Variants in DNAJC1 observed in about 807,000 individuals in gnomAD.
DNAJC1 encodes the protein dnaJ homolog subfamily C member 1.
DNAJC1 carries 58 observed loss-of-function variants against 76.6 expected under a neutral mutation model. That is an observed-to-expected ratio of 0.76 (90% confidence interval 0.61 to 0.94). The LOEUF is 0.94. DNAJC1 is among the 40% of genes least tolerant of loss of function. The pLI is 0.00. For missense variants in DNAJC1, 689 were observed against 677.3 expected, an observed-to-expected ratio of 1.02 and a Z score of -0.19; for synonymous variants, 258 against 267.9, an observed-to-expected ratio of 0.96 and a Z score of 0.36.
At chr10:21,769,700 T>C (rs1353756595) in intron 9 of DNAJC1, among the ~76,000 whole-genome samples, 1 of 152,136 alleles carries the variant, frequency 6.6e-6, no homozygotes, top group East Asian at 1.9e-4. Flanking sequence ...TTTCTTTTCT[T>C]TTGAGACAGA....
At chr10:21,794,924 T>C (rs924812862) in intron 9 of DNAJC1, among the ~76,000 whole-genome samples, 1 of 152,196 alleles carries the variant, frequency 6.6e-6, no homozygotes, top group Non-Finnish European at 1.5e-5. Context: ...TTTTGTAATA[T>C]CTGTATTCCA....
intron 9 of DNAJC1, among the ~76,000 whole-genome samples, chr10:21,778,582 A>T (rs1048907341): frequency 2.0e-5 from 3 of 152,238 alleles, no homozygotes; most frequent in African/African-American, 7.2e-5. Context: ...CAGATTAATT[A>T]GAACTGTACT....
intron 9 of DNAJC1, among the ~76,000 whole-genome samples, chr10:21,787,376 G>A (rs1415608793): frequency 1.3e-5 from 2 of 151,198 alleles, no homozygotes; most frequent in Non-Finnish European, 3.0e-5. Context: ...AGGAGAGGAA[G>A]AGAAAAAAGA....
intron 8 of DNAJC1, among the ~76,000 whole-genome samples, chr10:21,847,906 T>C (rs902488463): frequency 2.6e-5 from 4 of 152,130 alleles, no homozygotes; most frequent in African/African-American, 9.7e-5. Flanking sequence ...TTGTGAATAG[T>C]GGTGCAACAA....
chr10:21,878,155 T>C lies in DNAJC1; in HGVS notation c.978+4127A>G, dbSNP rs116796977. 3.9e-3 allele frequency among the ~76,000 whole-genome samples: 601 copies of C among 152,312 alleles called. 5 individuals carry two copies. Among genetic ancestry groups the C allele is most frequent in the African/African-American group, 0.014 (568 of 41,570 alleles). On this transcript the variant is annotated intron_variant, in intron 8 of 11. Coordinates refer to ENST00000376980, the MANE Select transcript of DNAJC1 (RefSeq NM_022365.4). ...ACACTCCTAGCATCACTAGTGGTAC[T>C]TTCCATAGGCCCAATGGTGTTATTC...
intron 8 of DNAJC1, among the ~76,000 whole-genome samples, chr10:21,873,252 C>T (rs1203995247): frequency 1.3e-5 from 2 of 152,158 alleles, no homozygotes; most frequent in African/African-American, 4.8e-5. Flanking sequence ...AAAGCCCTCT[C>T]CTTCTACAAC....
intron 3 of DNAJC1, among the ~76,000 whole-genome samples, chr10:21,922,137 C>T (rs965453191): frequency 1.3e-5 from 2 of 151,848 alleles, no homozygotes; most frequent in African/African-American, 2.4e-5. Context: ...GTAAATTGAC[C>T]GATCTAGGAA....
At chr10:21,972,858 A>C (rs1838002136) in intron 1 of DNAJC1, among the ~76,000 whole-genome samples, 1 of 152,108 alleles carries the variant, frequency 6.6e-6, no homozygotes, top group Non-Finnish European at 1.5e-5. Flanking sequence ...GGTTGAAAAT[A>C]GAACCAGAGA....
chr10:21,825,188 A>T (rs779018059), intron 8 of DNAJC1, among the ~76,000 whole-genome samples: 1 of 152,170 alleles, frequency 6.6e-6, no homozygotes, highest in Non-Finnish European at 1.5e-5. Flanking sequence ...TCATCATCCC[A>T]AACTGAAACT....
At chr10:21,811,583 C>CT (rs1834967098) in intron 8 of DNAJC1, among the ~76,000 whole-genome samples, 1 of 152,162 alleles carries the variant, frequency 6.6e-6, no homozygotes, top group Non-Finnish European at 1.5e-5. Flanking sequence ...AACTTTTAGT[C>CT]TTTTAAAGAA....
At chr10:21,957,401 T>C (rs985716482) in intron 1 of DNAJC1, among the ~76,000 whole-genome samples, 2 of 152,216 alleles carry the variant, frequency 1.3e-5, no homozygotes, top group African/African-American at 4.8e-5. Flanking sequence ...AAATAAATTG[T>C]ACATATTATA....
chr10:21,994,114 C>A (rs895351347), intron 1 of DNAJC1, among the ~76,000 whole-genome samples: 1 of 152,164 alleles, frequency 6.6e-6, no homozygotes, highest in Non-Finnish European at 1.5e-5. Context: ...TTTATCAATA[C>A]AAAGTATTTA....
At chr10:21,966,666 GC>G (rs957418554) in intron 1 of DNAJC1, among the ~76,000 whole-genome samples, 31 of 147,492 alleles carry the variant, frequency 2.1e-4, no homozygotes, top group Middle Eastern at 3.3e-3. Flanking sequence ...GAGTTCTTTT[GC>G]CCACCTCTTT....
chr10:21,771,530 G>A (rs893065462), intron 9 of DNAJC1, among the ~76,000 whole-genome samples: 4 of 151,824 alleles, frequency 2.6e-5, no homozygotes, highest in Admixed American at 6.6e-5. Flanking sequence ...ACGCAGTCTC[G>A]CTCTGTTGCC....
chr10:21,813,054 TATATATAC>T (rs1353552296), intron 8 of DNAJC1, among the ~76,000 whole-genome samples: 7 of 118,080 alleles, frequency 5.9e-5, no homozygotes, highest in Admixed American at 2.6e-4. Flanking sequence ...CACACACACA[TATATATAC>T]ATATATACAT....
chr10:21,772,565 T>C (rs7924290), intron 9 of DNAJC1, among the ~76,000 whole-genome samples: 4,307 of 152,250 alleles, frequency 0.028, 99 homozygotes, highest in Middle Eastern at 0.065. Flanking sequence ...TTTTTATTTA[T>C]ATAAGATTGG....
At chr10:21,989,595 C>G (rs1234773630) in intron 1 of DNAJC1, among the ~76,000 whole-genome samples, 1 of 152,096 alleles carries the variant, frequency 6.6e-6, no homozygotes, top group Non-Finnish European at 1.5e-5. Flanking sequence ...AGTGGCAATC[C>G]ACCGCCTGTG....
At chr10:21,818,924 T>C (rs1001926727) in intron 8 of DNAJC1, among the ~76,000 whole-genome samples, 8 of 152,206 alleles carry the variant, frequency 5.3e-5, no homozygotes, top group Admixed American at 3.9e-4. Flanking sequence ...ATTCACTGTC[T>C]GAAACCTTGT....
At chr10:21,981,125 A>G (rs1838149377) in intron 1 of DNAJC1, among the ~76,000 whole-genome samples, 1 of 152,176 alleles carries the variant, frequency 6.6e-6, no homozygotes, top group African/African-American at 2.4e-5. Context: ...TCAGCATGTA[A>G]ACAACTAAAA....
Sources: gnomAD v4.1 joint callset for allele counts (sites outside exome capture counted in the v4.1 genomes callset) on GRCh38, gnomAD v4.1.1 for gene constraint, MANE v1.5 for transcripts, NCBI Gene and HGNC (gene_info 2026-07-23, HGNC 2026-07-21) for gene names.